The following UBLCP1 variants were observed in gnomAD, a reference collection of about 807,000 sequenced individuals.
UBLCP1 encodes the protein ubiquitin-like domain-containing CTD phosphatase 1.
A neutral mutation model predicts 42.4 loss-of-function variants in UBLCP1; 28 were observed. The observed-to-expected ratio is 0.66, with a 90% CI of 0.49 to 0.90. The LOEUF (loss-of-function observed/expected upper bound fraction) is 0.90, where lower values mean the gene tolerates loss of function less well. Among genes scored for constraint, UBLCP1 ranks in the 40% least tolerant of loss-of-function variants. The pLI is 0.00. For synonymous variants in UBLCP1, 122 were observed against 120.8 expected, an observed-to-expected ratio of 1.01 and a Z score of -0.07; for missense variants, 279 against 374.5, an observed-to-expected ratio of 0.75 and a Z score of 2.10.
chr5:159,279,402 A>C (rs1753579623), intron 9 of UBLCP1, among the ~76,000 whole-genome samples: 1 of 152,218 alleles, frequency 6.6e-6, no homozygotes, highest in African/African-American at 2.4e-5. Flanking sequence ...GCGCAATATG[A>C]AAATGGAAAA....
At chr5:159,283,415 G>GTA (rs1376035951) in intron 10 of UBLCP1, 76 bp downstream of exon 10, 8 of 1,198,194 alleles carry the variant, frequency 6.7e-6, no homozygotes, top group South Asian at 1.5e-5. Context: ...AGTGACCCCA[G>GTA]TATATATATA....
chr5:159,274,712 C>T (rs1308932051), intron 7 of UBLCP1, 90 bp downstream of exon 7: 1 of 1,154,522 alleles, frequency 8.7e-7, no homozygotes, highest in Non-Finnish European at 1.3e-6. Context: ...TTTATTCTTA[C>T]TGGAGGGCAC....
At chr5:159,275,073 G>C in intron 7 of UBLCP1, 75 bp from the exon 8 acceptor site, 1 of 1,286,104 alleles carries the variant, frequency 7.8e-7, no homozygotes, top group South Asian at 1.2e-5. Context: ...ATGAGAAATT[G>C]CAGCTAGAAT....
chr5:159,284,884 CTTTAT>C lies in UBLCP1; in HGVS notation c.930-12_930-8del. The C allele has an allele frequency of 6.2e-7, 1 of 1,612,422 alleles. No homozygotes were observed. The highest frequency in any genetic ancestry group is 8.5e-7 in the Non-Finnish European group (1 of 1,179,110). The stretch of plus-strand genomic sequence containing the variant: ...ATTTAGCATGATACAGCTTTGACAT[CTTTAT>C]TTTATTTCTTGCAGATATCTCTCAA... On this transcript the variant is annotated splice_polypyrimidine_tract_variant and intron_variant, in intron 10 of 10. Transcript: ENST00000296786.
intron 1 of UBLCP1, among the ~76,000 whole-genome samples, chr5:159,266,617 T>C (rs1359725128): frequency 6.6e-6 from 1 of 152,226 alleles, no homozygotes; most frequent in Non-Finnish European, 1.5e-5. Flanking sequence ...GTCTCCAGGC[T>C]ATGTCAAAGA....
intron 2 of UBLCP1, 32 bp downstream of exon 2, chr5:159,269,101 T>C (rs1753433499): frequency 6.8e-7 from 1 of 1,463,822 alleles, no homozygotes; most frequent in Non-Finnish European, 9.0e-7. Flanking sequence ...ATTTTTTGCA[T>C]TGAATTTTTA....
Position 159,263,304 on chromosome 5 carries a change from T to G in UBLCP1, c.-103T>G, listed in dbSNP as rs1378211702. ...TCCCGCCCTTCACTTCCGGTCGCTTTCGGTCTCTCAGCGGCCGGTTTCTGC... is the reference window on the plus strand; with the variant it reads ...TCCCGCCCTTCACTTCCGGTCGCTTGCGGTCTCTCAGCGGCCGGTTTCTGC... On this transcript the variant is annotated 5_prime_UTR_variant, in exon 1 of 11. Coordinates refer to ENST00000296786, the MANE Select transcript of UBLCP1 (RefSeq NM_145049.5). The G allele has an allele frequency of 1.3e-5, 2 of 152,406 alleles. No individual in the cohort carries two copies. Among genetic ancestry groups the G allele is most frequent in the Non-Finnish European group, 2.9e-5 (2 of 68,068 alleles). The allele number at this position is 152,406 out of a possible 1,614,324, so 9.4% of individuals were successfully genotyped here. A position where few individuals can be genotyped will look rare whatever the true frequency, so the allele number is the denominator to read the frequency against.
Position 159,271,942 on chromosome 5 carries a change from T to C in UBLCP1, c.449-81T>C, listed in dbSNP as rs913168238. 9 of 954,364 alleles carry C rather than the reference T, an allele frequency of 9.4e-6. No individual in the cohort carries two copies. The East Asian group carries it at 1.3e-4, about 13-fold the overall frequency. The allele number at this position is 954,364 out of a possible 1,614,324, so 59.1% of individuals were successfully genotyped here. A position where few individuals can be genotyped will look rare whatever the true frequency, so the allele number is the denominator to read the frequency against. On this transcript the variant is annotated intron_variant, in intron 5 of 10. Coordinates refer to ENST00000296786, the MANE Select transcript of UBLCP1 (RefSeq NM_145049.5). Reference sequence around the variant, plus strand: ...ATGTTTATGTTTGCATTTCGTAATATATTACATTTAATAATAATTGGTATT... The same window carrying C: ...ATGTTTATGTTTGCATTTCGTAATACATTACATTTAATAATAATTGGTATT...
At chr5:159,275,090 A>G in intron 7 of UBLCP1, 58 bp from the exon 8 acceptor site, 1 of 1,493,466 alleles carries the variant, frequency 6.7e-7, no homozygotes, top group Non-Finnish European at 9.3e-7. Context: ...GAATATTCAG[A>G]AAATCTGAAA....
chr5:159,279,930 A>G (rs1031742488), intron 9 of UBLCP1, among the ~76,000 whole-genome samples: 18 of 152,202 alleles, frequency 1.2e-4, no homozygotes, highest in Non-Finnish European at 2.4e-4. Flanking sequence ...AAAAAAATAC[A>G]ATCATTAGTT....
At position 159,285,180 on chromosome 5, in the gene UBLCP1, C is replaced by T; in HGVS notation, c.*249C>T. 2.4e-6 allele frequency: 1 copy of T among 416,696 alleles called. No individual in the cohort carries two copies. The highest frequency in any genetic ancestry group is 4.4e-6 in the Non-Finnish European group (1 of 226,962). The allele number at this position is 416,696 out of a possible 1,614,324, so 25.8% of individuals were successfully genotyped here. A position where few individuals can be genotyped will look rare whatever the true frequency, so the allele number is the denominator to read the frequency against. ...TATTTTCTCCAGCGTTGGTTACTGA[C>T]CACCCCACCCTCCCACCACACACAC... On this transcript the variant is annotated 3_prime_UTR_variant, in exon 11 of 11. Coordinates refer to ENST00000296786, the MANE Select transcript of UBLCP1 (RefSeq NM_145049.5).
In UBLCP1 at chr5:159,285,290, G is replaced by A. The variant is rs1753663401; in HGVS notation, c.*359G>A. ...TCAACAATGTCATTTTGTGACTTTG[G>A]AAACAAGTTATGTTTTGTGTTTTTG... On this transcript the variant is annotated 3_prime_UTR_variant, in exon 11 of 11. Transcript: ENST00000296786. 1 of 163,002 alleles carries A rather than the reference G, an allele frequency of 6.1e-6. No individual in the cohort carries two copies. The highest frequency in any genetic ancestry group is 2.6e-5 in the African/African-American group (1 of 37,876). 10.1% of individuals were successfully genotyped at this position (163,002 alleles called of 1,614,324 possible).
intron 9 of UBLCP1, among the ~76,000 whole-genome samples, chr5:159,280,541 G>A (rs546750534): frequency 1.1e-4 from 16 of 152,286 alleles, no homozygotes; most frequent in African/African-American, 3.8e-4. Flanking sequence ...GCACTCAAGC[G>A]ATCCACCTAT....
intron 2 of UBLCP1, 23 bp downstream of exon 2, chr5:159,269,092 T>C (rs763380396): frequency 6.7e-7 from 1 of 1,481,868 alleles, no homozygotes. Context: ...CCTCTTCAGA[T>C]TTTTTGCATT....
intron 9 of UBLCP1, among the ~76,000 whole-genome samples, chr5:159,279,594 T>A (rs565581233): frequency 6.6e-6 from 1 of 152,206 alleles, no homozygotes; most frequent in Non-Finnish European, 1.5e-5. Flanking sequence ...AGACTGTTGA[T>A]TTGAGTTTTT....
chr5:159,270,276 A>G lies in UBLCP1; in HGVS notation c.247-84A>G, dbSNP rs1753447862. On this transcript the variant is annotated intron_variant, in intron 3 of 10. Coordinates refer to ENST00000296786, the MANE Select transcript of UBLCP1 (RefSeq NM_145049.5). ...TAAAAGACTCTGGAACTCAAATTGT[A>G]TCTCTCATTTTATTTTTATGCTATG... 6.2e-6 allele frequency: 7 copies of G among 1,132,786 alleles called. No homozygotes were observed. In the African/African-American group the frequency reaches 7.8e-5, roughly 13 times the overall value. 70.2% of individuals were successfully genotyped at this position (1,132,786 alleles called of 1,614,324 possible). A position where few individuals can be genotyped will look rare whatever the true frequency, so the allele number is the denominator to read the frequency against.
In UBLCP1 at chr5:159,285,510, G is replaced by GT. The variant is rs1297847928; in HGVS notation, c.*581dup. On this transcript the variant is annotated 3_prime_UTR_variant, in exon 11 of 11. Coordinates refer to ENST00000296786, the MANE Select transcript of UBLCP1 (RefSeq NM_145049.5). ...ACAATTTCTCTTCTGTATGCCACTA[G>GT]TTACATTTCTAAATTCTGAGCGGTC... 1 of 152,720 alleles carries GT rather than the reference G, an allele frequency of 6.5e-6. No individual in the cohort carries two copies. The highest frequency in any genetic ancestry group is 2.4e-5 in the African/African-American group (1 of 41,346). 9.5% of individuals were successfully genotyped at this position (152,720 alleles called of 1,614,324 possible).
At position 159,269,230 on chromosome 5, in the gene UBLCP1, G is replaced by A. The variant is rs537585942; in HGVS notation, c.154+161G>A. On this transcript the variant is annotated intron_variant, in intron 2 of 10. Transcript: ENST00000296786. The stretch of plus-strand genomic sequence containing the variant: ...CTCTGGTAGAAATATTCTTAAAATT[G>A]TTTTAGTGGTAAAAGTAAGAATATT... Among the ~76,000 whole-genome samples the A allele has an allele frequency of 4.6e-5, 7 of 152,224 alleles. No individual in the cohort carries two copies. In the South Asian group the frequency reaches 1.0e-3, roughly 23 times the overall value.
In UBLCP1 at chr5:159,275,231, G is replaced by A; in HGVS notation, c.669G>A (p.Arg223=). The change falls in exon 8 of 11, where the codon AGG becomes AGA. Residue 223 remains arginine (R), a synonymous_variant. Coordinates refer to ENST00000296786, the MANE Select transcript of UBLCP1 (RefSeq NM_145049.5). ...SAAMITVHTP[R]RGLIDVKPLG... ...CTATGATAACAGTACATACTCCAAG[G>A]AGAGGATTAATAGACGTAAGAAGTC... 1.9e-6 allele frequency: 3 copies of A among 1,612,094 alleles called. No homozygotes were observed. Among genetic ancestry groups the A allele is most frequent in the Non-Finnish European group, 2.5e-6 (3 of 1,179,270 alleles).
Sources: gnomAD v4.1 joint callset for allele counts (sites outside exome capture counted in the v4.1 genomes callset) on GRCh38, gnomAD v4.1.1 for gene constraint, MANE v1.5 for transcripts, NCBI Gene and HGNC (gene_info 2026-07-23, HGNC 2026-07-21) for gene names.